CPNE8: variants seen among roughly 807,000 people sequenced by gnomAD.
CPNE8 encodes copine-8.
CPNE8 carries 45 observed loss-of-function variants against 81.5 expected under a neutral mutation model. That is an observed-to-expected ratio of 0.55 (90% CI 0.44 to 0.71). The LOEUF is 0.71. Ranked by LOEUF, CPNE8 falls within the 30% of genes least tolerant of loss-of-function variation. The pLI, the probability that CPNE8 is intolerant of heterozygous loss-of-function variation, is 0.00. For missense variants in CPNE8, 594 were observed against 672.1 expected (o/e 0.88, Z 1.28); for synonymous variants, 252 against 226.3 (o/e 1.11, Z -1.02).
chr12:38,753,615 A>G (rs1941395996), intron 10 of CPNE8, among the ~76,000 whole-genome samples: 1 of 152,200 alleles, frequency 6.6e-6, no homozygotes, highest in African/African-American at 2.4e-5. Flanking sequence ...CCTTGATTTC[A>G]GGTAGTTTAT....
intron 8 of CPNE8, among the ~76,000 whole-genome samples, chr12:38,766,504 C>T (rs1469280076): frequency 6.6e-6 from 1 of 152,102 alleles, no homozygotes; most frequent in East Asian, 1.9e-4. Flanking sequence ...AATAGTATAA[C>T]ACTATAGCAA....
intron 1 of CPNE8, among the ~76,000 whole-genome samples, chr12:38,902,788 T>C (rs1055702532): frequency 6.6e-6 from 1 of 152,236 alleles, no homozygotes; most frequent in African/African-American, 2.4e-5. Flanking sequence ...ATAACACATT[T>C]ATTCAACAAA....
In CPNE8 at chr12:38,749,259, T is replaced by C. The variant is rs541628205; in HGVS notation, c.722+11588A>G. ...TCCTCCTTGCCTTCTGACATGATTG[T>C]GAGTCTTCCCCCGCCACGTGGAACT... On this transcript the variant is annotated intron_variant, in intron 10 of 19. Transcript: ENST00000331366. Among the ~76,000 whole-genome samples, 6 of 152,310 alleles carry C rather than the reference T, an allele frequency of 3.9e-5. No homozygotes were observed. In the South Asian group the frequency reaches 1.2e-3, roughly 32 times the overall value.
At chr12:38,890,889 T>TTA (rs1944304496) in intron 1 of CPNE8, among the ~76,000 whole-genome samples, 1 of 148,746 alleles carries the variant, frequency 6.7e-6, no homozygotes, top group African/African-American at 2.5e-5. Flanking sequence ...ACATTTTTAT[T>TTA]TATATATATA....
intron 6 of CPNE8, among the ~76,000 whole-genome samples, chr12:38,778,469 C>T (rs1941981432): frequency 6.6e-6 from 1 of 152,150 alleles, no homozygotes; most frequent in Non-Finnish European, 1.5e-5. Context: ...AACTCGGTGA[C>T]ATTTTGTGCT....
At chr12:38,680,025 C>T (rs1334587894) in intron 16 of CPNE8, among the ~76,000 whole-genome samples, 1 of 151,808 alleles carries the variant, frequency 6.6e-6, no homozygotes, top group Non-Finnish European at 1.5e-5. Context: ...AGTCTTATTA[C>T]TAAAAGCCAG....
chr12:38,852,428 C>CAA (rs138401295), intron 3 of CPNE8, among the ~76,000 whole-genome samples: 851 of 75,174 alleles, frequency 0.011, 33 homozygotes, highest in African/African-American at 0.047. Flanking sequence ...AGCTCTGTCT[C>CAA]AAAAAAAAAA....
intron 7 of CPNE8, among the ~76,000 whole-genome samples, chr12:38,774,717 C>T (rs1941889257): frequency 6.6e-6 from 1 of 151,758 alleles, no homozygotes; most frequent in Non-Finnish European, 1.5e-5. Flanking sequence ...CTTGATTAGA[C>T]AAAGTACAAA....
upstream of CPNE8, chr12:38,906,625 G>GT: frequency 1.0e-6 from 1 of 985,324 alleles, no homozygotes. Flanking sequence ...TGAGCGCTGC[G>GT]TTTGGGAAAC....
intron 8 of CPNE8, 66 bp downstream of exon 8, chr12:38,767,569 G>A (rs553812584): frequency 1.0e-6 from 1 of 979,294 alleles, no homozygotes; most frequent in Non-Finnish European, 1.5e-6. Context: ...GCTTCTCTGA[G>A]AAAAATAATT....
chr12:38,848,250 G>C (rs769334101), intron 4 of CPNE8, among the ~76,000 whole-genome samples: 4 of 152,166 alleles, frequency 2.6e-5, no homozygotes, highest in Non-Finnish European at 4.4e-5. Context: ...CATCAGCCAT[G>C]GGAGTGGATG....
intron 16 of CPNE8, 114 bp from the exon 17 acceptor site, chr12:38,677,668 T>C: frequency 1.5e-6 from 1 of 664,384 alleles, no homozygotes; most frequent in Non-Finnish European, 2.7e-6. Flanking sequence ...TATTTGAACA[T>C]GTTAGAGGTA....
intron 15 of CPNE8, among the ~76,000 whole-genome samples, chr12:38,689,768 T>C (rs925120907): frequency 6.6e-6 from 1 of 152,208 alleles, no homozygotes; most frequent in Non-Finnish European, 1.5e-5. Context: ...TGGAAGACCT[T>C]CTTTTAAGGA....
chr12:38,767,450 A>G (rs961012387), intron 8 of CPNE8, among the ~76,000 whole-genome samples, 185 bp downstream of exon 8: 2 of 152,174 alleles, frequency 1.3e-5, no homozygotes, highest in African/African-American at 4.8e-5. Context: ...CATTTTAAGT[A>G]TCAGACAAAA....
At chr12:38,739,919 C>T (rs1941051292) in intron 10 of CPNE8, among the ~76,000 whole-genome samples, 1 of 152,048 alleles carries the variant, frequency 6.6e-6, no homozygotes, top group Admixed American at 6.6e-5. Context: ...GTAGACTCTA[C>T]AATATGATAG....
chr12:38,872,918 GGAAAATAGAAAGTATCATCTT>G lies in CPNE8; in HGVS notation c.186+65_186+85del, dbSNP rs546438053. On this transcript the variant is annotated intron_variant, in intron 3 of 19. Transcript: ENST00000331366. ...CTTTGGGTTCAAAAGGACTTACAATGGAAAATAGAAAGTATCATCTTGATCAAGTTATAACTTACTGTATCT... is the reference window on the plus strand; with the variant it reads ...CTTTGGGTTCAAAAGGACTTACAATGGATCAAGTTATAACTTACTGTATCT... The G allele has an allele frequency of 2.6e-4, 205 of 780,586 alleles. 1 individual carries two copies. In the African/African-American group the frequency reaches 2.9e-3, roughly 11 times the overall value. 48.4% of individuals were successfully genotyped at this position (780,586 alleles called of 1,614,324 possible). A position where few individuals can be genotyped will look rare whatever the true frequency, so the allele number is the denominator to read the frequency against.
chr12:38,681,215 AT>A (rs1323518748), intron 16 of CPNE8, among the ~76,000 whole-genome samples: 4 of 151,894 alleles, frequency 2.6e-5, no homozygotes, highest in African/African-American at 4.8e-5. Flanking sequence ...ATGAATAGAA[AT>A]TTTTTTTAAA....
At chr12:38,755,669 A>G (rs1414414487) in intron 10 of CPNE8, among the ~76,000 whole-genome samples, 1 of 152,226 alleles carries the variant, frequency 6.6e-6, no homozygotes, top group Non-Finnish European at 1.5e-5. Context: ...AAAATTAAAT[A>G]CATTTCAACT....
At chr12:38,783,356 T>C (rs1942097417) in intron 6 of CPNE8, among the ~76,000 whole-genome samples, 1 of 152,162 alleles carries the variant, frequency 6.6e-6, no homozygotes, top group South Asian at 2.1e-4. Flanking sequence ...CTTCATATCA[T>C]CAAAAGAGGC....
Sources: allele counts gnomAD v4.1 joint callset (sites outside exome capture counted in the v4.1 genomes callset), GRCh38; gene constraint gnomAD v4.1.1; transcripts MANE v1.5; gene names NCBI Gene and HGNC (gene_info 2026-07-23, HGNC 2026-07-21).